PDZD2: variants seen among roughly 807,000 people sequenced by gnomAD.
PDZD2 encodes the protein PDZ domain-containing protein 2.
In PDZD2, 90 loss-of-function variants were observed where a neutral mutation model predicts 220.7. The observed-to-expected ratio is 0.41, with a 90% CI of 0.34 to 0.49. The LOEUF is 0.49. Ranked by LOEUF, PDZD2 falls within the 20% of genes least tolerant of loss-of-function variation. The pLI is 0.28. For missense variants in PDZD2, 3,174 were observed against 3,608.5 expected (o/e 0.88, Z 3.08); for synonymous variants, 1,375 against 1,450.5 (o/e 0.95, Z 1.18).
chr5:31,768,249 A>G (rs1752141538), intron 1 of PDZD2, among the ~76,000 whole-genome samples: 1 of 152,232 alleles, frequency 6.6e-6, no homozygotes. Flanking sequence ...GCAGGCGAGC[A>G]GGCAGCTTGC....
At chr5:31,790,738 G>A (rs867012057) in intron 1 of PDZD2, among the ~76,000 whole-genome samples, 5 of 113,794 alleles carry the variant, frequency 4.4e-5, no homozygotes, top group African/African-American at 6.5e-5. Flanking sequence ...TCGCTCTTTC[G>A]CTCAGGCCGG....
intron 1 of PDZD2, among the ~76,000 whole-genome samples, chr5:31,687,396 C>A (rs1005587807): frequency 2.0e-5 from 3 of 152,188 alleles, no homozygotes; most frequent in Non-Finnish European, 2.9e-5. Flanking sequence ...CCTCCAGTTT[C>A]CAGTAACATA....
At chr5:31,690,356 A>AGGAAGGGCCATGG (rs889126094) in intron 1 of PDZD2, among the ~76,000 whole-genome samples, 5 of 152,084 alleles carry the variant, frequency 3.3e-5, no homozygotes, top group Non-Finnish European at 7.4e-5. Context: ...GGATGTGCTT[A>AGGAAGGGCCATGG]GGAAGGGCCA....
chr5:32,060,705 T>C (rs143255043), intron 13 of PDZD2, among the ~76,000 whole-genome samples: 1 of 148,764 alleles, frequency 6.7e-6, no homozygotes, highest in East Asian at 2.1e-4. Flanking sequence ...GTGCCTGGCA[T>C]ATAGTATATG....
At chr5:31,710,559 TG>T (rs1748041089) in intron 1 of PDZD2, among the ~76,000 whole-genome samples, 2 of 152,152 alleles carry the variant, frequency 1.3e-5, no homozygotes, top group Non-Finnish European at 2.9e-5. Context: ...GGCTCATGCC[TG>T]TAATCTCAGC....
chr5:32,060,808 T>C (rs769437364), intron 13 of PDZD2, among the ~76,000 whole-genome samples, 194 bp from the exon 14 acceptor site: 67 of 152,370 alleles, frequency 4.4e-4, no homozygotes, highest in Non-Finnish European at 7.9e-4. Context: ...CATAATGACC[T>C]TTGCCCACTT....
intron 2 of PDZD2, among the ~76,000 whole-genome samples, chr5:31,864,699 T>C (rs1161920116): frequency 6.6e-6 from 1 of 151,714 alleles, no homozygotes; most frequent in African/African-American, 2.4e-5. Flanking sequence ...TTTGTATTAG[T>C]AGACACAGGG....
chr5:31,711,817 T>A (rs1181266620), intron 1 of PDZD2, among the ~76,000 whole-genome samples: 1 of 152,336 alleles, frequency 6.6e-6, no homozygotes. Context: ...GGCTTGTCTT[T>A]GTAAATCTGA....
chr5:31,924,928 A>G (rs1345739952), intron 2 of PDZD2, among the ~76,000 whole-genome samples: 1 of 152,212 alleles, frequency 6.6e-6, no homozygotes, highest in African/African-American at 2.4e-5. Context: ...TGTTTGTGGC[A>G]GGATTCCTGG....
intron 2 of PDZD2, among the ~76,000 whole-genome samples, chr5:31,806,025 C>T (rs1052378868): frequency 7.2e-5 from 11 of 152,236 alleles, no homozygotes; most frequent in African/African-American, 1.9e-4. Context: ...CCTCTAAAAC[C>T]GTGACACAGT....
At chr5:31,691,945 C>G (rs1747151434) in intron 1 of PDZD2, among the ~76,000 whole-genome samples, 1 of 152,246 alleles carries the variant, frequency 6.6e-6, no homozygotes, top group Non-Finnish European at 1.5e-5. Flanking sequence ...GCCCAGCTGG[C>G]TTCACCCAGT....
intron 1 of PDZD2, among the ~76,000 whole-genome samples, chr5:31,789,525 G>A (rs1180894605): frequency 1.3e-5 from 2 of 152,250 alleles, no homozygotes; most frequent in Non-Finnish European, 2.9e-5. Flanking sequence ...TAGAGCCCCA[G>A]ACTTCTGGGT....
chr5:31,985,583 C>T (rs1750649901), intron 3 of PDZD2, among the ~76,000 whole-genome samples: 1 of 152,084 alleles, frequency 6.6e-6, no homozygotes, highest in East Asian at 1.9e-4. Flanking sequence ...ATCCTAGCTA[C>T]TCAGGAGGCT....
intron 20 of PDZD2, among the ~76,000 whole-genome samples, chr5:32,092,465 G>T (rs112446537): frequency 0.019 from 2,833 of 151,810 alleles, 82 homozygotes; most frequent in African/African-American, 0.065. Flanking sequence ...CCAACTACTC[G>T]GGAGGCTGAG....
At position 31,910,217 on chromosome 5, in the gene PDZD2, A is replaced by ATTTTTTTTT. The variant is rs70957978; in HGVS notation, c.477-72927_477-72919dup. Among the ~76,000 whole-genome samples the ATTTTTTTTT allele has an allele frequency of 8.4e-5, 9 of 106,840 alleles. 1 individual carries two copies. The highest frequency in any genetic ancestry group is 3.0e-4 in the African/African-American group (8 of 26,764). The allele number at this position is 106,840 out of a possible 152,430, so 70.1% of individuals were successfully genotyped here. A position where few individuals can be genotyped will look rare whatever the true frequency, so the allele number is the denominator to read the frequency against. The stretch of plus-strand genomic sequence containing the variant: ...AGCTGTGGAGCTCCAGAGTTCCTGC[A>ATTTTTTTTT]TTTTTTTTTTTTTTTTTTTGGAGAC... On this transcript the variant is annotated intron_variant, in intron 2 of 24. Coordinates refer to ENST00000438447, the MANE Select transcript of PDZD2 (RefSeq NM_178140.4).
At chr5:31,853,537 T>C (rs930754480) in intron 2 of PDZD2, among the ~76,000 whole-genome samples, 1 of 152,224 alleles carries the variant, frequency 6.6e-6, no homozygotes, top group African/African-American at 2.4e-5. Context: ...CTATGTGCTC[T>C]GGGGCTGCTT....
intron 1 of PDZD2, among the ~76,000 whole-genome samples, chr5:31,669,419 A>T (rs932011766): frequency 3.0e-4 from 45 of 151,230 alleles, no homozygotes; most frequent in Non-Finnish European, 2.2e-4. Flanking sequence ...AAAAAAAAAA[A>T]AAAATAAGAT....
intron 1 of PDZD2, among the ~76,000 whole-genome samples, chr5:31,695,138 A>G (rs186028394): frequency 1.3e-5 from 2 of 152,224 alleles, no homozygotes; most frequent in East Asian, 3.9e-4. Context: ...TTAAAAAAAA[A>G]AAAGAAAGTA....
intron 2 of PDZD2, among the ~76,000 whole-genome samples, chr5:31,873,316 C>T (rs1433856527): frequency 6.6e-6 from 1 of 151,866 alleles, no homozygotes; most frequent in South Asian, 2.1e-4. Context: ...TGCCTGTAGT[C>T]GCAGCTACTC....
Sources: allele counts gnomAD v4.1 joint callset (sites outside exome capture counted in the v4.1 genomes callset), GRCh38; gene constraint gnomAD v4.1.1; transcripts MANE v1.5; gene names NCBI Gene and HGNC (gene_info 2026-07-23, HGNC 2026-07-21).